The following GRIP1 variants were observed in gnomAD, a reference collection of about 807,000 sequenced individuals.
The protein encoded by GRIP1 is glutamate receptor interacting protein 1, also known as glutamate receptor-interacting protein 1.
In GRIP1, 45 loss-of-function variants were observed where a neutral mutation model predicts 129.9. The observed-to-expected ratio is 0.35, with a 90% CI of 0.27 to 0.44. GRIP1 has a LOEUF of 0.44. Ranked by LOEUF, GRIP1 falls within the 20% of genes least tolerant of loss-of-function variation. The pLI is 1.00. For synonymous variants in GRIP1, 530 were observed against 520.8 expected (o/e 1.02, Z -0.24); for missense variants, 1,196 against 1,396.8 (o/e 0.86, Z 2.29).
intron 6 of GRIP1, among the ~76,000 whole-genome samples, chr12:66,516,735 G>A (rs965490279): frequency 4.6e-5 from 7 of 152,158 alleles, no homozygotes; most frequent in African/African-American, 1.7e-4. Context: ...GGGAAAAGGG[G>A]AAACTCTTGG....
At position 66,949,760 on chromosome 12, in the gene GRIP1, CTTTTTTTTTTTTT is replaced by C. The variant is rs781123585; in HGVS notation, c.58+119277_58+119289del. Among the ~76,000 whole-genome samples, 6 of 85,468 alleles carry C rather than the reference CTTTTTTTTTTTTT, an allele frequency of 7.0e-5. No individual in the cohort carries two copies. The South Asian group carries it at 2.0e-3, about 29-fold the overall frequency. 56.1% of individuals were successfully genotyped at this position (85,468 alleles called of 152,430 possible). A position where few individuals can be genotyped will look rare whatever the true frequency, so the allele number is the denominator to read the frequency against. ...GAACTGATAACACTGCATGCTCCTCCTTTTTTTTTTTTTTTTTTTTTTTTTGAGATGGAGTCTC... is the reference window on the plus strand; with the variant it reads ...GAACTGATAACACTGCATGCTCCTCCTTTTTTTTTTTTGAGATGGAGTCTC... On this transcript the variant is annotated intron_variant, in intron 1 of 1. Transcript: ENST00000643019.
chr12:66,895,422 C>G (rs762623248), intron 1 of GRIP1, among the ~76,000 whole-genome samples: 1 of 152,160 alleles, frequency 6.6e-6, no homozygotes, highest in African/African-American at 2.4e-5. Context: ...CTCCCAGCCA[C>G]GTGAAACTGT....
At chr12:66,911,837 C>A (rs1403793147) in intron 1 of GRIP1, among the ~76,000 whole-genome samples, 1 of 152,146 alleles carries the variant, frequency 6.6e-6, no homozygotes, top group Non-Finnish European at 1.5e-5. Flanking sequence ...TAGTTCAATG[C>A]ACTGAGCAAC....
chr12:66,770,313 G>C (rs773974657), intron 1 of GRIP1, among the ~76,000 whole-genome samples: 2 of 152,168 alleles, frequency 1.3e-5, no homozygotes, highest in Non-Finnish European at 2.9e-5. Flanking sequence ...CTAAGTTATT[G>C]TTCAGGGAAC....
At chr12:66,553,060 A>T (rs2062196260) in intron 2 of GRIP1, among the ~76,000 whole-genome samples, 1 of 152,160 alleles carries the variant, frequency 6.6e-6, no homozygotes, top group South Asian at 2.1e-4. Context: ...GGAGGGTACC[A>T]TTCTCTCCTG....
In GRIP1 at chr12:66,774,839, T is replaced by G. The variant is rs1007610803; in HGVS notation, c.-420+29214A>C. Among the ~76,000 whole-genome samples the G allele has an allele frequency of 6.6e-5, 10 of 152,162 alleles. No homozygotes were observed. The East Asian group carries it at 1.9e-3, about 29-fold the overall frequency. On this transcript the variant is annotated intron_variant, in intron 1 of 4. Coordinates refer to the GRIP1 transcript ENST00000538373. The stretch of plus-strand genomic sequence containing the variant: ...GAATCCTAATGACCATAAACAAGTT[T>G]TCATCAGGAAAACAAAGTATTCAAA...
intron 1 of GRIP1, among the ~76,000 whole-genome samples, chr12:66,847,909 GCA>G (rs1233969974): frequency 6.6e-6 from 1 of 152,036 alleles, no homozygotes; most frequent in African/African-American, 2.4e-5. Context: ...CTTTTTGTTG[GCA>G]CATTATCATT....
chr12:66,531,161 CG>C (rs2061431015), intron 4 of GRIP1, among the ~76,000 whole-genome samples: 1 of 148,180 alleles, frequency 6.7e-6, no homozygotes, highest in African/African-American at 2.5e-5. Flanking sequence ...CTTGAACCCG[CG>C]GGGGCGGAGG....
chr12:66,844,809 G>C (rs989622775), intron 1 of GRIP1, among the ~76,000 whole-genome samples: 2 of 152,192 alleles, frequency 1.3e-5, no homozygotes, highest in African/African-American at 2.4e-5. Flanking sequence ...GACAGATGCT[G>C]TAACATGGGT....
chr12:67,058,618 A>G (rs2043477244), intron 1 of GRIP1, among the ~76,000 whole-genome samples: 1 of 152,232 alleles, frequency 6.6e-6, no homozygotes, highest in South Asian at 2.1e-4. Flanking sequence ...TTCTAGTAAA[A>G]CTATTAAGTG....
intron 1 of GRIP1, among the ~76,000 whole-genome samples, chr12:67,018,310 C>T (rs1051570002): frequency 3.9e-5 from 6 of 152,162 alleles, no homozygotes; most frequent in Non-Finnish European, 8.8e-5. Context: ...CATGGAGGAG[C>T]GCCTCCAAGT....
intron 1 of GRIP1, among the ~76,000 whole-genome samples, chr12:66,952,044 T>G (rs1205019150): frequency 1.3e-5 from 2 of 151,868 alleles, no homozygotes; most frequent in Non-Finnish European, 2.9e-5. Context: ...GATTGAGGCA[T>G]AAACAAGATG....
chr12:66,651,768 G>C (rs2032812024), intron 1 of GRIP1, among the ~76,000 whole-genome samples: 1 of 152,054 alleles, frequency 6.6e-6, no homozygotes, highest in Non-Finnish European at 1.5e-5. Flanking sequence ...TTGAGGAGGA[G>C]GGAGGGGAGC....
chr12:66,539,217 G>T lies in GRIP1; in HGVS notation c.279C>A (p.Asp93Glu). ...LRQGGIAARS[D>E]QLDVGDYIKA... ...TGATGTAGTCACCCACATCCAGCTG[G>T]TCACTTCTGCAAAATAGACAATGTT... The change falls in exon 4 of 25, where the codon GAC (aspartate) becomes GAA (glutamate). Residue 93 changes from aspartate (D) to glutamate (E), a missense_variant. By Grantham distance (45) the Asp-to-Glu change is conservative (BLOSUM62 2). Coordinates refer to ENST00000359742, the MANE Select transcript of GRIP1 (RefSeq NM_001366722.1). The T allele has an allele frequency of 6.2e-7, 1 of 1,613,998 alleles. No individual in the cohort carries two copies. The highest frequency in any genetic ancestry group is 1.1e-5 in the South Asian group (1 of 91,076).
chr12:66,848,081 TA>T (rs2039849968), intron 1 of GRIP1, among the ~76,000 whole-genome samples: 1 of 152,206 alleles, frequency 6.6e-6, no homozygotes, highest in South Asian at 2.1e-4. Flanking sequence ...TCAAATACCG[TA>T]ATGCTAACAT....
intron 1 of GRIP1, among the ~76,000 whole-genome samples, chr12:66,666,716 T>C (rs1464509301): frequency 6.6e-6 from 1 of 152,174 alleles, no homozygotes; most frequent in Non-Finnish European, 1.5e-5. Flanking sequence ...ATTACTTCTA[T>C]ATACATTTTT....
intron 7 of GRIP1, among the ~76,000 whole-genome samples, chr12:66,509,362 A>T (rs1427317807): frequency 1.3e-5 from 2 of 152,204 alleles, no homozygotes; most frequent in Non-Finnish European, 2.9e-5. Context: ...AAGAAGTACT[A>T]CCATCATCCC....
chr12:66,697,926 G>C (rs984031503), intron 1 of GRIP1, among the ~76,000 whole-genome samples: 3 of 152,140 alleles, frequency 2.0e-5, no homozygotes, highest in Admixed American at 2.0e-4. Context: ...AAAGCTTATT[G>C]ATCCTCTTGT....
chr12:66,452,380 TATTA>T (rs1376876734), intron 11 of GRIP1, among the ~76,000 whole-genome samples: 1 of 152,246 alleles, frequency 6.6e-6, no homozygotes, highest in Non-Finnish European at 1.5e-5. Flanking sequence ...ATGTGTGCTG[TATTA>T]ATTATTTTCT....
Sources: allele counts gnomAD v4.1 joint callset (sites outside exome capture counted in the v4.1 genomes callset), GRCh38; gene constraint gnomAD v4.1.1; transcripts MANE v1.5; gene names NCBI Gene and HGNC (gene_info 2026-07-23, HGNC 2026-07-21).